DNAAF9: variants seen among roughly 807,000 people sequenced by gnomAD.
DNAAF9 encodes dynein axonemal assembly factor 9, also known as shulin.
Under a neutral mutation model 167.0 loss-of-function variants are expected in DNAAF9, and 90 were observed. That is an observed-to-expected ratio of 0.54 (90% CI 0.45 to 0.64). DNAAF9 has a LOEUF of 0.64. Ranked by LOEUF, DNAAF9 falls within the 30% of genes least tolerant of loss-of-function variation. DNAAF9 has a pLI of 0.00. For synonymous variants in DNAAF9, 491 were observed against 508.8 expected (o/e 0.96, Z 0.47); for missense variants, 1,315 against 1,442.2 (o/e 0.91, Z 1.43).
chr20:3,295,091 G>C (rs1053585253), intron 23 of DNAAF9, among the ~76,000 whole-genome samples: 1 of 151,988 alleles, frequency 6.6e-6, no homozygotes, highest in Non-Finnish European at 1.5e-5. Flanking sequence ...GGATGGTCCC[G>C]ATCTCCTGAC....
At chr20:3,370,345 C>A (rs1321703871) in intron 6 of DNAAF9, among the ~76,000 whole-genome samples, 1 of 152,042 alleles carries the variant, frequency 6.6e-6, no homozygotes, top group Non-Finnish European at 1.5e-5. Flanking sequence ...AGCTCCAGGG[C>A]TCAAGCTATC....
At chr20:3,253,070 T>C (rs1425084823) in intron 36 of DNAAF9, among the ~76,000 whole-genome samples, 1 of 152,182 alleles carries the variant, frequency 6.6e-6, no homozygotes, top group African/African-American at 2.4e-5. Flanking sequence ...ATGCCTGCCA[T>C]ACTAGCAATT....
At chr20:3,376,020 C>T (rs2083570177) in intron 4 of DNAAF9, among the ~76,000 whole-genome samples, 158 bp downstream of exon 4, 1 of 152,150 alleles carries the variant, frequency 6.6e-6, no homozygotes, top group South Asian at 2.1e-4. Flanking sequence ...TATAAGGTAG[C>T]CTCAAAACGA....
At chr20:3,337,417 C>T (rs182256196) in intron 10 of DNAAF9, among the ~76,000 whole-genome samples, 4 of 150,484 alleles carry the variant, frequency 2.7e-5, no homozygotes, top group Non-Finnish European at 4.4e-5. Context: ...GCATGTGCCA[C>T]CACGCCCAGG....
At chr20:3,337,643 A>G (rs913388006) in intron 10 of DNAAF9, among the ~76,000 whole-genome samples, 1 of 151,816 alleles carries the variant, frequency 6.6e-6, no homozygotes, top group Non-Finnish European at 1.5e-5. Flanking sequence ...TGATTTTTCA[A>G]TTGAAACATG....
At chr20:3,336,973 G>C (rs1423111240) in intron 10 of DNAAF9, among the ~76,000 whole-genome samples, 1 of 141,490 alleles carries the variant, frequency 7.1e-6, no homozygotes, top group South Asian at 2.4e-4. Context: ...TCCGCCTCCC[G>C]GGTTCACACC....
chr20:3,310,701 T>A lies in DNAAF9; in HGVS notation c.1678+4332A>T, dbSNP rs1365027997. 1.8e-4 allele frequency among the ~76,000 whole-genome samples: 26 copies of A among 145,472 alleles called. 1 individual carries two copies. The highest frequency in any genetic ancestry group is 1.4e-3 in the Admixed American group (20 of 14,686). ...CTTAGTCTCAAGAAAAAAAAAAAAA[T>A]TCCTAAAATAAACAAGAAAAAGGCA... On this transcript the variant is annotated intron_variant, in intron 20 of 36. Transcript: ENST00000252032.
chr20:3,325,838 A>C (rs1392834271), intron 13 of DNAAF9, among the ~76,000 whole-genome samples: 1 of 151,528 alleles, frequency 6.6e-6, no homozygotes, highest in Non-Finnish European at 1.5e-5. Context: ...AACTTACCAA[A>C]CTTTATTAGA....
intron 6 of DNAAF9, among the ~76,000 whole-genome samples, chr20:3,368,706 GA>G (rs558490766): frequency 2.2e-3 from 329 of 151,836 alleles, no homozygotes; most frequent in African/African-American, 7.1e-3. Context: ...TTTAAGTAGA[GA>G]CAGGGTTTCA....
chr20:3,344,424 T>C (rs1198064624), intron 8 of DNAAF9, among the ~76,000 whole-genome samples: 2 of 152,180 alleles, frequency 1.3e-5, no homozygotes, highest in Admixed American at 1.3e-4. Context: ...AAACCACCTA[T>C]AATGTCTAAA....
intron 1 of DNAAF9, among the ~76,000 whole-genome samples, chr20:3,395,919 G>A (rs939686757): frequency 6.6e-6 from 1 of 152,188 alleles, no homozygotes; most frequent in Middle Eastern, 3.4e-3. Context: ...TAATTCCCAT[G>A]GGTCATGGGA....
chr20:3,306,414 G>T (rs1039644881), intron 20 of DNAAF9, among the ~76,000 whole-genome samples: 1 of 152,320 alleles, frequency 6.6e-6, no homozygotes, highest in Admixed American at 6.5e-5. Flanking sequence ...TCTGTTAAAA[G>T]AAAGGAATGG....
intron 10 of DNAAF9, among the ~76,000 whole-genome samples, chr20:3,335,865 G>A (rs751290122): frequency 6.6e-6 from 1 of 151,780 alleles, no homozygotes; most frequent in Admixed American, 6.6e-5. Context: ...GCTCATGCCT[G>A]TTATCTCAGC....
intron 20 of DNAAF9, among the ~76,000 whole-genome samples, chr20:3,310,501 A>G (rs1312332091): frequency 6.6e-6 from 1 of 152,038 alleles, no homozygotes; most frequent in Non-Finnish European, 1.5e-5. Context: ...CTTGGCCAAC[A>G]TGGCGAAACC....
chr20:3,306,781 T>C, intron 20 of DNAAF9: 1 of 358,746 alleles, frequency 2.8e-6, no homozygotes. Flanking sequence ...TTCACTGCTG[T>C]CTCCCCACTC....
At chr20:3,339,879 G>A (rs1387538295) in intron 10 of DNAAF9, among the ~76,000 whole-genome samples, 1 of 152,158 alleles carries the variant, frequency 6.6e-6, no homozygotes, top group African/African-American at 2.4e-5. Flanking sequence ...GACAGAGTGA[G>A]ACCCTGTCTC....
At chr20:3,265,427 C>T (rs1341776726) in intron 30 of DNAAF9, among the ~76,000 whole-genome samples, 3 of 151,160 alleles carry the variant, frequency 2.0e-5, no homozygotes, top group Non-Finnish European at 4.4e-5. Flanking sequence ...ATTAGCTGGG[C>T]GTGGTGGCAC....
Position 3,343,729 on chromosome 20 carries a change from T to C in DNAAF9, c.792A>G (p.Pro264=). The part of the protein sequence containing the change: ...LELSESQAGE[P]FRSYFSHGMI... ...TTCCATGACTGAAATAACTTCTGAATGGCTAAAAAGAAGCCAACATTGTAT... is the reference window on the plus strand; with the variant it reads ...TTCCATGACTGAAATAACTTCTGAACGGCTAAAAAGAAGCCAACATTGTAT... Residue 264 remains proline, a splice_region_variant and synonymous_variant, in exon 9 of 37, where the codon CCA becomes CCG. Transcript: ENST00000252032. 6.2e-7 allele frequency: 1 copy of C among 1,611,898 alleles called. No homozygotes were observed. The highest frequency in any genetic ancestry group is 8.5e-7 in the Non-Finnish European group (1 of 1,178,212).
chr20:3,349,192 C>CAAAAA lies in DNAAF9; in HGVS notation c.691-574_691-570dup, dbSNP rs148023287. On this transcript the variant is annotated intron_variant, in intron 7 of 36. Coordinates refer to ENST00000252032, the MANE Select transcript of DNAAF9 (RefSeq NM_001009984.3). ...CAACATGATGAGACCTCGTCTCTACCAAAAAAAAAAACAAAAAAAAAAAAA... is the reference window on the plus strand; with the variant it reads ...CAACATGATGAGACCTCGTCTCTACCAAAAAAAAAAAAAAAACAAAAAAAAAAAAA... Among the ~76,000 whole-genome samples, 65 of 39,098 alleles carry CAAAAA rather than the reference C, an allele frequency of 1.7e-3. 9 individuals carry two copies. The highest frequency in any genetic ancestry group is 3.4e-3 in the African/African-American group (27 of 8,046). 25.6% of individuals were successfully genotyped at this position (39,098 alleles called of 152,430 possible).
Sources: gnomAD v4.1 joint callset for allele counts (sites outside exome capture counted in the v4.1 genomes callset) on GRCh38, gnomAD v4.1.1 for gene constraint, MANE v1.5 for transcripts, NCBI Gene and HGNC (gene_info 2026-07-23, HGNC 2026-07-21) for gene names.